Variants in ATXN7L1 observed in about 807,000 individuals in gnomAD.
ATXN7L1 encodes the protein ataxin-7-like protein 1.
Under a neutral mutation model 70.8 loss-of-function variants are expected in ATXN7L1, and 15 were observed. That is an observed-to-expected ratio of 0.21 (90% CI 0.14 to 0.33). The LOEUF is 0.33. Ranked by LOEUF, ATXN7L1 falls within the 10% of genes least tolerant of loss-of-function variation. ATXN7L1 has a pLI of 1.00. For synonymous variants in ATXN7L1, 440 were observed against 445.1 expected (o/e 0.99, Z 0.14); for missense variants, 975 against 1,097.1 (o/e 0.89, Z 1.57).
intron 2 of ATXN7L1, chr7:105,819,478 G>A: frequency 1.3e-6 from 1 of 787,338 alleles, no homozygotes; most frequent in Non-Finnish European, 2.2e-6. Flanking sequence ...TCCTTTCCCA[G>A]GGGGCTGCTG....
Position 105,766,407 on chromosome 7 carries a change from G to A in ATXN7L1, c.355+22197C>T, listed in dbSNP as rs375170701. ...AACTTCCATCTGTTTTTAAGTCAGG[G>A]ATGCTTGTTGGTTTGTGCCGAGACA... On this transcript the variant is annotated intron_variant, in intron 3 of 11. Transcript: ENST00000419735. Among the ~76,000 whole-genome samples, 6 of 152,166 alleles carry A rather than the reference G, an allele frequency of 3.9e-5. No individual in the cohort carries two copies. In the East Asian group the frequency reaches 1.2e-3, roughly 29 times the overall value.
intron 2 of ATXN7L1, among the ~76,000 whole-genome samples, chr7:105,859,869 GC>G (rs1317527734): frequency 6.9e-6 from 1 of 144,064 alleles, no homozygotes; most frequent in South Asian, 2.2e-4. Flanking sequence ...TCCAACCTCT[GC>G]CTCCTGGGCT....
At chr7:105,631,997 G>T (rs866979561) in intron 7 of ATXN7L1, among the ~76,000 whole-genome samples, 1 of 152,204 alleles carries the variant, frequency 6.6e-6, no homozygotes, top group Non-Finnish European at 1.5e-5. Context: ...CCCAGAGAAG[G>T]CTTCCAGATC....
At chr7:105,871,674 C>G (rs894283725) in intron 2 of ATXN7L1, among the ~76,000 whole-genome samples, 30 of 150,256 alleles carry the variant, frequency 2.0e-4, no homozygotes, top group Admixed American at 6.6e-5. Flanking sequence ...CATGCCATTG[C>G]ACTCCAGCCT....
intron 3 of ATXN7L1, among the ~76,000 whole-genome samples, chr7:105,740,883 G>A (rs570190152): frequency 1.3e-5 from 2 of 151,352 alleles, no homozygotes; most frequent in East Asian, 2.0e-4. Flanking sequence ...TCCTGCCTCA[G>A]CCTCCTGAGT....
intron 3 of ATXN7L1, among the ~76,000 whole-genome samples, chr7:105,779,174 C>T (rs1366385847): frequency 6.6e-6 from 1 of 152,216 alleles, no homozygotes; most frequent in East Asian, 1.9e-4. Context: ...GTTACATCAG[C>T]CTGATCTTGA....
intron 3 of ATXN7L1, among the ~76,000 whole-genome samples, chr7:105,747,021 C>T (rs143047182): frequency 6.6e-6 from 1 of 152,260 alleles, no homozygotes; most frequent in East Asian, 1.9e-4. Flanking sequence ...AACATATTTG[C>T]CCCTGTGATA....
rs1174418176 is a variant in ATXN7L1 at position 105,876,583 on chromosome 7, G to T, written c.-25C>A. 1.4e-5 allele frequency: 13 copies of T among 958,192 alleles called. 1 individual carries two copies. In the South Asian group the frequency reaches 1.5e-4, roughly 11 times the overall value. 59.4% of individuals were successfully genotyped at this position (958,192 alleles called of 1,614,324 possible). On this transcript the variant is annotated 5_prime_UTR_variant, in exon 1 of 12. Transcript: ENST00000419735. ...TCTTCGGAACGTTCCGACATTGAGT[G>T]TTCTGAAAGGGGGAGGGAGGGAGGA...
chr7:105,690,143 TA>T (rs1307229617), intron 3 of ATXN7L1, among the ~76,000 whole-genome samples: 1 of 152,180 alleles, frequency 6.6e-6, no homozygotes, highest in Non-Finnish European at 1.5e-5. Flanking sequence ...TAGCTGGGAT[TA>T]CAGGCATGTG....
intron 2 of ATXN7L1, among the ~76,000 whole-genome samples, chr7:105,829,500 T>C (rs966121952): frequency 1.3e-5 from 2 of 151,882 alleles, no homozygotes; most frequent in Non-Finnish European, 2.9e-5. Context: ...CATTTCCCAC[T>C]CAGAGAGAAA....
intron 3 of ATXN7L1, among the ~76,000 whole-genome samples, chr7:105,763,347 A>G (rs1001793964): frequency 6.6e-6 from 1 of 152,148 alleles, no homozygotes; most frequent in Non-Finnish European, 1.5e-5. Flanking sequence ...CTTTCCCAAG[A>G]AGGGGGAATG....
intron 2 of ATXN7L1, among the ~76,000 whole-genome samples, chr7:105,803,963 G>T (rs927465917): frequency 1.3e-5 from 2 of 152,090 alleles, no homozygotes; most frequent in African/African-American, 4.8e-5. Context: ...ACAGGTAAGG[G>T]ACTGAGAGCT....
At chr7:105,642,775 G>C (rs112748194) in intron 5 of ATXN7L1, 63 bp downstream of exon 5, 253 of 1,475,478 alleles carry the variant, frequency 1.7e-4, no homozygotes, top group Non-Finnish European at 1.1e-4. Flanking sequence ...TCACTCCTTC[G>C]TTATGGCTGC....
At chr7:105,755,917 C>G (rs956249602) in intron 3 of ATXN7L1, among the ~76,000 whole-genome samples, 5 of 152,152 alleles carry the variant, frequency 3.3e-5, no homozygotes, top group African/African-American at 1.2e-4. Flanking sequence ...AGAACTTTGC[C>G]AAGCACCCCA....
chr7:105,846,261 C>T (rs1401339540), intron 2 of ATXN7L1, among the ~76,000 whole-genome samples: 1 of 151,850 alleles, frequency 6.6e-6, no homozygotes, highest in Admixed American at 6.6e-5. Context: ...ATCGCTTGAG[C>T]CTAGGAGATT....
chr7:105,696,219 T>C (rs1000107982), intron 3 of ATXN7L1, among the ~76,000 whole-genome samples: 4 of 152,310 alleles, frequency 2.6e-5, no homozygotes, highest in Admixed American at 1.3e-4. Context: ...TCCTGTTGAC[T>C]GGAAATGCTC....
chr7:105,640,235 G>T (rs1431513105), intron 5 of ATXN7L1, among the ~76,000 whole-genome samples: 1 of 152,218 alleles, frequency 6.6e-6, no homozygotes, highest in Non-Finnish European at 1.5e-5. Flanking sequence ...TGAACTTGAA[G>T]GTGCAGAGAG....
chr7:105,817,619 A>C (rs1809388234), intron 2 of ATXN7L1, among the ~76,000 whole-genome samples: 1 of 152,110 alleles, frequency 6.6e-6, no homozygotes, highest in African/African-American at 2.4e-5. Flanking sequence ...ATGGAGCAAA[A>C]TGTTAACAAC....
In ATXN7L1 at chr7:105,660,448, C is replaced by G. The variant is rs1041764081; in HGVS notation, c.578+4618G>C. On this transcript the variant is annotated intron_variant, in intron 4 of 11. Transcript: ENST00000419735. ...CTTTGCCTAGGACACCCTTCCAACT[C>G]TCTTAGATAGAATTTTTTTTTTTTT... 1.6e-5 allele frequency among the ~76,000 whole-genome samples: 2 copies of G among 128,644 alleles called. 1 individual carries two copies. The highest frequency in any genetic ancestry group is 4.7e-4 in the South Asian group (2 of 4,224). 84.4% of individuals were successfully genotyped at this position (128,644 alleles called of 152,430 possible).
Sources: allele counts gnomAD v4.1 joint callset (sites outside exome capture counted in the v4.1 genomes callset), GRCh38; gene constraint gnomAD v4.1.1; transcripts MANE v1.5; gene names NCBI Gene and HGNC (gene_info 2026-07-23, HGNC 2026-07-21).